Variants in HYDIN observed in about 807,000 individuals in gnomAD.
The protein encoded by HYDIN is axonemal central pair apparatus protein HYDIN.
In HYDIN, 132 loss-of-function variants were observed where a neutral mutation model predicts 403.9. That is an observed-to-expected ratio of 0.33 (90% CI 0.28 to 0.38). The LOEUF is 0.38. Ranked by LOEUF, HYDIN falls within the 10% of genes least tolerant of loss-of-function variation. The pLI is 1.00. For missense variants in HYDIN, 2,827 were observed against 5,009.5 expected, an observed-to-expected ratio of 0.56 and a Z score of 13.15; for synonymous variants, 1,202 against 1,891.7, an observed-to-expected ratio of 0.64 and a Z score of 9.46.
chr16:71,176,655 G>A (rs1398147469), intron 4 of HYDIN, among the ~76,000 whole-genome samples: 1 of 152,216 alleles, frequency 6.6e-6, no homozygotes, highest in African/African-American at 2.4e-5. Context: ...GCAAAGAGCA[G>A]CAGGAGATCC....
intron 58 of HYDIN, among the ~76,000 whole-genome samples, chr16:70,885,011 C>G (rs916779535): frequency 6.6e-6 from 1 of 152,242 alleles, no homozygotes; most frequent in African/African-American, 2.4e-5. Context: ...AGGACTTCAT[C>G]TATCCGAGGC....
chr16:70,971,055 C>G (rs1366591183), intron 35 of HYDIN, among the ~76,000 whole-genome samples: 1 of 152,192 alleles, frequency 6.6e-6, no homozygotes, highest in Non-Finnish European at 1.5e-5. Context: ...TTTCACATCC[C>G]TCAAATCTTC....
chr16:70,859,799 C>T (rs1438517788), intron 71 of HYDIN, among the ~76,000 whole-genome samples: 1 of 152,138 alleles, frequency 6.6e-6, no homozygotes, highest in Admixed American at 6.5e-5. Flanking sequence ...TGTCCAGTTA[C>T]CTTTTGCTGC....
chr16:71,178,520 T>C (rs768825840), intron 4 of HYDIN, among the ~76,000 whole-genome samples: 10 of 149,688 alleles, frequency 6.7e-5, no homozygotes, highest in Non-Finnish European at 1.0e-4. Flanking sequence ...TGCTCAACAA[T>C]TGCAATTCTC....
chr16:70,976,325 A>T (rs1200667346), intron 30 of HYDIN, among the ~76,000 whole-genome samples: 1 of 152,234 alleles, frequency 6.6e-6, no homozygotes, highest in Non-Finnish European at 1.5e-5. Flanking sequence ...TTTAATACTT[A>T]TTCAATAATA....
intron 1 of HYDIN, among the ~76,000 whole-genome samples, chr16:71,217,558 A>T (rs2088952932): frequency 1.3e-5 from 2 of 152,196 alleles, no homozygotes; most frequent in South Asian, 4.2e-4. Flanking sequence ...TTAAAGGTCA[A>T]TGTCCTTTTG....
intron 1 of HYDIN, among the ~76,000 whole-genome samples, chr16:71,197,556 G>C (rs1044927590): frequency 2.0e-5 from 3 of 152,190 alleles, no homozygotes; most frequent in African/African-American, 7.2e-5. Context: ...GAAATATAAT[G>C]TGCATACAGA....
chr16:70,868,425 T>C (rs2039893779), intron 66 of HYDIN, 145 bp downstream of exon 66: 1 of 1,303,850 alleles, frequency 7.7e-7, no homozygotes, highest in Non-Finnish European at 1.0e-6. Flanking sequence ...TGTAGAAGTT[T>C]AGTTTGTCAC....
At chr16:70,992,236 G>A (rs772893152) in intron 23 of HYDIN, 26 bp from the exon 24 acceptor site, 15 of 1,471,688 alleles carry the variant, frequency 1.0e-5, no homozygotes, top group Non-Finnish European at 1.3e-5. Flanking sequence ...ACAGGGAATA[G>A]GGGGAGACAG....
intron 7 of HYDIN, among the ~76,000 whole-genome samples, chr16:71,148,421 AACAAAATAAAAACTATT>A (rs2085403920): frequency 6.6e-6 from 1 of 152,198 alleles, no homozygotes. Context: ...ATAAGGATTG[AACAAAATAAAAACTATT>A]ATTATCTGCA....
intron 25 of HYDIN, among the ~76,000 whole-genome samples, chr16:70,990,983 A>G (rs1413053987): frequency 3.9e-5 from 6 of 152,352 alleles, no homozygotes; most frequent in African/African-American, 1.4e-4. Flanking sequence ...TTGTATGCAC[A>G]TCTTTGTATC....
At chr16:70,961,238 T>C (rs1192413254) in intron 38 of HYDIN, among the ~76,000 whole-genome samples, 6 of 152,150 alleles carry the variant, frequency 3.9e-5, no homozygotes, top group Admixed American at 3.3e-4. Flanking sequence ...TGGGGGCCCA[T>C]CAACATAGCC....
chr16:71,230,423 G>C, intron 1 of HYDIN, 139 bp downstream of exon 1: 2 of 1,006,296 alleles, frequency 2.0e-6, no homozygotes, highest in Non-Finnish European at 2.8e-6. Flanking sequence ...GCTAGGGAAG[G>C]CTGAGGAGGG....
chr16:70,966,975 T>C (rs1274611632), intron 36 of HYDIN, among the ~76,000 whole-genome samples: 1 of 150,774 alleles, frequency 6.6e-6, no homozygotes, highest in East Asian at 2.0e-4. Context: ...GGGGGAAGGG[T>C]ACATGAGATG....
intron 6 of HYDIN, among the ~76,000 whole-genome samples, chr16:71,161,502 T>C (rs1297276873): frequency 6.6e-6 from 1 of 152,146 alleles, no homozygotes; most frequent in East Asian, 1.9e-4. Flanking sequence ...AATCCAGCTC[T>C]ATCACTTACT....
intron 21 of HYDIN, among the ~76,000 whole-genome samples, chr16:71,024,293 C>T (rs1390237366): frequency 5.3e-5 from 8 of 152,190 alleles, no homozygotes; most frequent in African/African-American, 9.7e-5. Flanking sequence ...TTTCCTAACT[C>T]GAGCCCTTCA....
chr16:70,976,161 A>G (rs2078880730), intron 30 of HYDIN, among the ~76,000 whole-genome samples: 2 of 152,256 alleles, frequency 1.3e-5, no homozygotes, highest in African/African-American at 4.8e-5. Flanking sequence ...GTGACAAATG[A>G]TGGTGTCAAG....
intron 36 of HYDIN, among the ~76,000 whole-genome samples, chr16:70,969,374 C>T (rs1408253048): frequency 2.6e-5 from 4 of 152,078 alleles, no homozygotes; most frequent in Non-Finnish European, 4.4e-5. Context: ...AGAAAAATTC[C>T]TGAAAGCAGT....
At chr16:71,152,987 G>C in intron 6 of HYDIN, 1 of 476,002 alleles carries the variant, frequency 2.1e-6, no homozygotes, top group Non-Finnish European at 3.9e-6. Flanking sequence ...ATTAGCAAGC[G>C]TAAGGGCAAC....
Sources: allele counts gnomAD v4.1 joint callset (sites outside exome capture counted in the v4.1 genomes callset), GRCh38; gene constraint gnomAD v4.1.1; transcripts MANE v1.5; gene names NCBI Gene and HGNC (gene_info 2026-07-23, HGNC 2026-07-21).